Variants in ELOVL4 observed in about 807,000 individuals in gnomAD.
ELOVL4 encodes very long chain fatty acid elongase 4.
Under a neutral mutation model 42.1 loss-of-function variants are expected in ELOVL4, and 18 were observed. That is an observed-to-expected ratio of 0.43 (90% CI 0.30 to 0.63). The LOEUF is 0.63. Among genes scored for constraint, ELOVL4 ranks in the 30% least tolerant of loss-of-function variants. ELOVL4 has a pLI of 0.15. For synonymous variants in ELOVL4, 117 were observed against 127.0 expected (o/e 0.92, Z 0.53); for missense variants, 299 against 376.2 (o/e 0.79, Z 1.70).
intron 1 of ELOVL4, among the ~76,000 whole-genome samples, chr6:79,931,846 C>T (rs1209401689): frequency 6.6e-6 from 1 of 152,152 alleles, no homozygotes; most frequent in African/African-American, 2.4e-5. Flanking sequence ...AATTTCTAAC[C>T]AGTGGGTCTT....
chr6:79,922,219 C>T (rs1227449501), intron 3 of ELOVL4, among the ~76,000 whole-genome samples: 1 of 152,122 alleles, frequency 6.6e-6, no homozygotes, highest in Admixed American at 6.6e-5. Flanking sequence ...GTTCATGTAG[C>T]AACTGGTCTC....
intron 5 of ELOVL4, among the ~76,000 whole-genome samples, chr6:79,918,734 C>G (rs759636128): frequency 1.6e-4 from 24 of 152,202 alleles, no homozygotes; most frequent in South Asian, 2.1e-4. Flanking sequence ...TGATTACAGG[C>G]TAGTGCCTAG....
Position 79,947,322 on chromosome 6 carries a change from C to T in ELOVL4, c.-43G>A, listed in dbSNP as rs747749507. The T allele has an allele frequency of 1.3e-6, 2 of 1,503,772 alleles. No individual in the cohort carries two copies. The highest frequency in any genetic ancestry group is 1.1e-5 in the South Asian group (1 of 87,480). 93.2% of individuals were successfully genotyped at this position (1,503,772 alleles called of 1,614,324 possible). A position where few individuals can be genotyped will look rare whatever the true frequency, so the allele number is the denominator to read the frequency against. On this transcript the variant is annotated 5_prime_UTR_variant, in exon 1 of 6. Transcript: ENST00000369816. The stretch of plus-strand genomic sequence containing the variant: ...GCTGGCGGCAGGAGAAAGCGGAGAC[C>T]CAGAGAGAGGGCTGACCCCGGAGGC...
intron 3 of ELOVL4, among the ~76,000 whole-genome samples, chr6:79,922,191 A>T (rs1582045887): frequency 6.6e-6 from 1 of 152,314 alleles, no homozygotes; most frequent in East Asian, 1.9e-4. Context: ...ATACTACCTC[A>T]GAAAAACTTG....
Position 79,947,265 on chromosome 6 carries a change from G to C in ELOVL4, c.15C>G (p.Asp5Glu), listed in dbSNP as rs763301118. The C allele has an allele frequency of 2.5e-6, 4 of 1,612,698 alleles. No individual in the cohort carries two copies. The highest frequency in any genetic ancestry group is 3.4e-6 in the Non-Finnish European group (4 of 1,179,324). ...CGTTTAGGACACTACCCGGCTCCGA[G>C]TCCAGGAGCCCCATCGCGGCGATGA... MGLL[D>E]SEPGSVLNVV... is the part of the protein sequence containing the mutation. The change falls in exon 1 of 6, where the codon GAC (aspartate) becomes GAG (glutamate). Residue 5 changes from aspartate to glutamate, a missense_variant. Physicochemically the swap from Asp to Glu is conservative, Grantham distance 45. Transcript: ENST00000369816.
chr6:79,924,413 T>C (rs1561984846), intron 3 of ELOVL4, among the ~76,000 whole-genome samples: 1 of 152,230 alleles, frequency 6.6e-6, no homozygotes, highest in East Asian at 1.9e-4. Context: ...AGTAATTCAA[T>C]GCATATTCAC....
At position 79,925,009 on chromosome 6, in the gene ELOVL4, C is replaced by T. The variant is rs768561554; in HGVS notation, c.312G>A (p.Ala104=). The change falls in exon 3 of 6, where the codon GCG becomes GCA. Residue 104 remains alanine, a synonymous_variant. Transcript: ENST00000369816. The part of the protein sequence containing the change: ...FRELFMGSYN[A]GYSYICQSVD... The stretch of plus-strand genomic sequence containing the variant: ...CACTCTGGCAAATATAGCTATATCC[C>T]GCATTATATGATCCCATGAATAACT... 1.1e-5 allele frequency: 17 copies of T among 1,605,818 alleles called. 1 individual carries two copies. Among genetic ancestry groups the T allele is most frequent in the South Asian group, 6.6e-5 (6 of 90,888 alleles).
chr6:79,921,410 G>A (rs1366613105), intron 4 of ELOVL4, among the ~76,000 whole-genome samples: 4 of 128,372 alleles, frequency 3.1e-5, no homozygotes, highest in South Asian at 2.7e-4. Flanking sequence ...GCAGTGAGCC[G>A]AGATCGCGCC....
intron 1 of ELOVL4, among the ~76,000 whole-genome samples, chr6:79,945,059 C>T (rs1449380517): frequency 6.6e-6 from 1 of 150,490 alleles, no homozygotes; most frequent in Non-Finnish European, 1.5e-5. Context: ...AAATGGGACA[C>T]CACAGACTTC....
At chr6:79,946,051 T>C (rs1250487470) in intron 1 of ELOVL4, among the ~76,000 whole-genome samples, 1 of 152,224 alleles carries the variant, frequency 6.6e-6, no homozygotes, top group Middle Eastern at 3.2e-3. Context: ...AACCACTGTC[T>C]AATTTCCTCT....
At chr6:79,931,441 G>A (rs936262676) in intron 1 of ELOVL4, among the ~76,000 whole-genome samples, 1 of 152,098 alleles carries the variant, frequency 6.6e-6, no homozygotes, top group Non-Finnish European at 1.5e-5. Flanking sequence ...CAATCACCAT[G>A]TACTTTAATC....
intron 1 of ELOVL4, among the ~76,000 whole-genome samples, chr6:79,926,841 C>T (rs1357294333): frequency 2.6e-5 from 4 of 152,118 alleles, no homozygotes; most frequent in Admixed American, 2.6e-4. Flanking sequence ...ACGTACGGGG[C>T]GATGGTAGCC....
chr6:79,946,158 G>A lies in ELOVL4; in HGVS notation c.100+1022C>T, dbSNP rs996540661. ...GAACGTTAATATCCTTCACTGATAGGATGCAGTGTGATACTGCAAAAGGAC... is the reference window on the plus strand; with the variant it reads ...GAACGTTAATATCCTTCACTGATAGAATGCAGTGTGATACTGCAAAAGGAC... On this transcript the variant is annotated intron_variant, in intron 1 of 5. Coordinates refer to ENST00000369816, the MANE Select transcript of ELOVL4 (RefSeq NM_022726.4). Among the ~76,000 whole-genome samples the A allele has an allele frequency of 2.0e-5, 3 of 152,162 alleles. No homozygotes were observed. The South Asian group carries it at 6.2e-4, about 31-fold the overall frequency.
chr6:79,923,364 TAA>T (rs1774289614), intron 3 of ELOVL4, among the ~76,000 whole-genome samples: 1 of 151,080 alleles, frequency 6.6e-6, no homozygotes, highest in Non-Finnish European at 1.5e-5. Flanking sequence ...GCTCATTTTT[TAA>T]AGACTTGAAA....
chr6:79,930,675 G>A (rs1343944730), intron 1 of ELOVL4, among the ~76,000 whole-genome samples: 2 of 151,980 alleles, frequency 1.3e-5, no homozygotes, highest in African/African-American at 4.8e-5. Flanking sequence ...AAAGGTTGGG[G>A]GGCTAAAACA....
chr6:79,920,603 C>T (rs1315638154), intron 4 of ELOVL4, among the ~76,000 whole-genome samples: 3 of 152,144 alleles, frequency 2.0e-5, no homozygotes, highest in Admixed American at 2.0e-4. Context: ...TCATATACAC[C>T]TTATACATGT....
chr6:79,942,772 T>G (rs1473708905), intron 1 of ELOVL4, among the ~76,000 whole-genome samples: 1 of 152,252 alleles, frequency 6.6e-6, no homozygotes, highest in African/African-American at 2.4e-5. Flanking sequence ...GATGTTTTAC[T>G]TTATGCTATC....
At chr6:79,944,452 A>C (rs1204397055) in intron 1 of ELOVL4, among the ~76,000 whole-genome samples, 1 of 152,192 alleles carries the variant, frequency 6.6e-6, no homozygotes, top group African/African-American at 2.4e-5. Context: ...GAGAAATAAA[A>C]ATTATTTTTG....
intron 1 of ELOVL4, among the ~76,000 whole-genome samples, chr6:79,941,898 G>T (rs1337815057): frequency 1.3e-5 from 2 of 152,094 alleles, no homozygotes; most frequent in East Asian, 1.9e-4. Context: ...AAATAATAAC[G>T]AAAGTTTAAA....
Sources: allele counts gnomAD v4.1 joint callset (sites outside exome capture counted in the v4.1 genomes callset), GRCh38; gene constraint gnomAD v4.1.1; transcripts MANE v1.5; gene names NCBI Gene and HGNC (gene_info 2026-07-23, HGNC 2026-07-21).